The following ZYG11B variants were observed in gnomAD, a reference collection of about 807,000 sequenced individuals.
ZYG11B encodes the protein zyg-11 family member B, cell cycle regulator, also known as protein zyg-11 homolog B.
A neutral mutation model predicts 82.4 loss-of-function variants in ZYG11B; 36 were observed. That is an observed-to-expected ratio of 0.44 (90% CI 0.33 to 0.58). ZYG11B has a LOEUF of 0.58. Ranked by LOEUF, ZYG11B falls within the 20% of genes least tolerant of loss-of-function variation. The pLI, the probability that ZYG11B is intolerant of heterozygous loss-of-function variation, is 0.02. For synonymous variants in ZYG11B, 303 were observed against 312.8 expected, an observed-to-expected ratio of 0.97 and a Z score of 0.33; for missense variants, 552 against 895.6, an observed-to-expected ratio of 0.62 and a Z score of 4.90.
chr1:52,803,085 CACATATATATAT>C (rs1185593823), intron 10 of ZYG11B, among the ~76,000 whole-genome samples: 1,020 of 23,616 alleles, frequency 0.043, 105 homozygotes, highest in East Asian at 0.39. Context: ...TATATATATA[CACATATATATAT>C]ACATATATAT....
At position 52,807,602 on chromosome 1, in the gene ZYG11B, C is replaced by G. The variant is rs375910444; in HGVS notation, c.1695+5463C>G. 3.3e-5 allele frequency among the ~76,000 whole-genome samples: 5 copies of G among 151,832 alleles called. No homozygotes were observed. The East Asian group carries it at 5.8e-4, about 18-fold the overall frequency. ...GACCTCCTGGGCTAAAGCAATTCCC[C>G]AACCTCAACTTCCTGAGTAGTTGGA... On this transcript the variant is annotated intron_variant, in intron 10 of 13. Coordinates refer to ENST00000294353, the MANE Select transcript of ZYG11B (RefSeq NM_024646.3).
chr1:52,764,199 C>G (rs1644660879), intron 2 of ZYG11B, among the ~76,000 whole-genome samples: 1 of 152,160 alleles, frequency 6.6e-6, no homozygotes, highest in Non-Finnish European at 1.5e-5. Flanking sequence ...TCTCGGCTCA[C>G]TGCAACCTCC....
intron 1 of ZYG11B, among the ~76,000 whole-genome samples, chr1:52,742,966 C>T (rs1429147790): frequency 4.7e-5 from 7 of 149,816 alleles, no homozygotes; most frequent in Non-Finnish European, 5.9e-5. Context: ...CCAGCCGCCC[C>T]GTCCGGGAGG....
intron 4 of ZYG11B, among the ~76,000 whole-genome samples, chr1:52,783,906 A>ATGTACATATACGTGTGTGTATG (rs1164330951): frequency 3.2e-5 from 2 of 63,320 alleles, no homozygotes; most frequent in Admixed American, 1.9e-4. Flanking sequence ...GTGTGTGTAT[A>ATGTACATATACGTGTGTGTATG]TACATCTATA....
chr1:52,770,625 GA>G (rs1226690822), intron 2 of ZYG11B, among the ~76,000 whole-genome samples: 1 of 152,108 alleles, frequency 6.6e-6, no homozygotes, highest in East Asian at 1.9e-4. Flanking sequence ...GTCATAGCAG[GA>G]AAAGACAGCA....
intron 10 of ZYG11B, among the ~76,000 whole-genome samples, chr1:52,802,609 C>T (rs1456601697): frequency 6.6e-6 from 1 of 151,484 alleles, no homozygotes; most frequent in Non-Finnish European, 1.5e-5. Context: ...CCTCGGCCTC[C>T]CAAAGTGCTG....
At position 52,821,603 on chromosome 1, in the gene ZYG11B, AAAC is replaced by A; in HGVS notation, c.2211_2213del (p.Gln738del). The stretch of plus-strand genomic sequence containing the variant: ...CCATGGGAGGCCACCTCCCTGTAAA[AAAC>A]AGCCCCAAGCCAGACTAAATTGATA... On this transcript the variant is annotated inframe_deletion, in exon 14 of 14. Transcript: ENST00000294353. 6.2e-7 allele frequency: 1 copy of A among 1,613,636 alleles called. No individual in the cohort carries two copies. The highest frequency in any genetic ancestry group is 8.5e-7 in the Non-Finnish European group (1 of 1,179,868).
chr1:52,763,401 G>T (rs1644653276), intron 2 of ZYG11B, among the ~76,000 whole-genome samples: 1 of 152,130 alleles, frequency 6.6e-6, no homozygotes, highest in South Asian at 2.1e-4. Flanking sequence ...TATAAAAGCA[G>T]TTTCTTTTAG....
rs751920808 is a variant in ZYG11B, at chr1:52,793,868, T to TTTCCTTCCTTCCTTCCTTCCTTCC, written c.1335-2413_1335-2390dup. Among the ~76,000 whole-genome samples, 710 of 95,472 alleles carry TTTCCTTCCTTCCTTCCTTCCTTCC rather than the reference T, an allele frequency of 7.4e-3. 15 individuals are homozygous for TTTCCTTCCTTCCTTCCTTCCTTCC. Among genetic ancestry groups the TTTCCTTCCTTCCTTCCTTCCTTCC allele is most frequent in the African/African-American group, 0.023 (545 of 23,722 alleles). The allele number at this position is 95,472 out of a possible 152,430, so 62.6% of individuals were successfully genotyped here. A position where few individuals can be genotyped will look rare whatever the true frequency, so the allele number is the denominator to read the frequency against. ...TTTCTTTCTTTCTTCCTTTTCTTTC[T>TTTCCTTCCTTCCTTCCTTCCTTCC]TTCCTTCCTTCCTTCCTTCCTTCCT... On this transcript the variant is annotated intron_variant, in intron 6 of 13. Coordinates refer to ENST00000294353, the MANE Select transcript of ZYG11B (RefSeq NM_024646.3).
chr1:52,767,109 A>G (rs1257222744), intron 2 of ZYG11B, among the ~76,000 whole-genome samples: 1 of 140,710 alleles, frequency 7.1e-6, no homozygotes, highest in Non-Finnish European at 1.5e-5. Flanking sequence ...GTTATGTTTT[A>G]TGTTGTTATT....
chr1:52,797,362 CATATA>C (rs1312240110), intron 8 of ZYG11B, among the ~76,000 whole-genome samples: 27 of 39,954 alleles, frequency 6.8e-4, no homozygotes, highest in Non-Finnish European at 8.9e-4. Flanking sequence ...ATATATAATA[CATATA>C]ATATATAATA....
At chr1:52,814,179 C>T (rs1489326142) in intron 12 of ZYG11B, among the ~76,000 whole-genome samples, 1 of 152,170 alleles carries the variant, frequency 6.6e-6, no homozygotes, top group Non-Finnish European at 1.5e-5. Context: ...CACGACCACG[C>T]CCCGCTAATT....
chr1:52,739,856 T>C (rs957926537), intron 1 of ZYG11B, among the ~76,000 whole-genome samples: 4 of 152,194 alleles, frequency 2.6e-5, no homozygotes, highest in African/African-American at 9.6e-5. Context: ...TCTGCCTGCC[T>C]CAGCCTCCCA....
chr1:52,746,911 C>T (rs1419466383), intron 1 of ZYG11B, among the ~76,000 whole-genome samples: 5 of 146,310 alleles, frequency 3.4e-5, no homozygotes, highest in Non-Finnish European at 7.5e-5. Flanking sequence ...GGTCTTTACT[C>T]CCCCCTCCAT....
chr1:52,817,806 TATATATATA>T (rs1374457663), intron 13 of ZYG11B, among the ~76,000 whole-genome samples: 2 of 48,552 alleles, frequency 4.1e-5, no homozygotes, highest in African/African-American at 7.6e-5. Context: ...TATATATATA[TATATATATA>T]TTTTTTTTTT....
chr1:52,816,738 C>A, intron 13 of ZYG11B, 109 bp downstream of exon 13: 6 of 652,976 alleles, frequency 9.2e-6, no homozygotes, highest in East Asian at 3.3e-5. Context: ...AGAACACTGA[C>A]TTAAAATGTA....
intron 2 of ZYG11B, among the ~76,000 whole-genome samples, chr1:52,758,273 G>C: frequency 6.7e-6 from 1 of 149,518 alleles, no homozygotes. Context: ...AATATGATTT[G>C]TCCACAGCTA....
chr1:52,802,622 A>G (rs980027997), intron 10 of ZYG11B, among the ~76,000 whole-genome samples: 1 of 151,764 alleles, frequency 6.6e-6, no homozygotes, highest in African/African-American at 2.4e-5. Context: ...AAGTGCTGGG[A>G]TTATAGGCAT....
intron 2 of ZYG11B, among the ~76,000 whole-genome samples, chr1:52,770,090 A>ATTTTT (rs1398657976): frequency 3.8e-4 from 27 of 71,072 alleles, no homozygotes; most frequent in South Asian, 8.7e-4. Flanking sequence ...ATATATATAT[A>ATTTTT]TATTTTTTTT....
Sources: gnomAD v4.1 joint callset for allele counts (sites outside exome capture counted in the v4.1 genomes callset) on GRCh38, gnomAD v4.1.1 for gene constraint, MANE v1.5 for transcripts, NCBI Gene and HGNC (gene_info 2026-07-23, HGNC 2026-07-21) for gene names.